The following HS6ST3 variants were observed in gnomAD, a reference collection of about 807,000 sequenced individuals.
HS6ST3 encodes the protein heparan-sulfate 6-O-sulfotransferase 3.
Under a neutral mutation model 36.7 loss-of-function variants are expected in HS6ST3, and 12 were observed. The observed-to-expected ratio is 0.33, with a 90% CI of 0.21 to 0.53. HS6ST3 has a LOEUF of 0.53. Among genes scored for constraint, HS6ST3 ranks in the 20% least tolerant of loss-of-function variants. The probability of loss-of-function intolerance (pLI) is 0.95; values close to 1 mark genes in which losing one functional copy is unlikely to be tolerated. For synonymous variants in HS6ST3, 240 were observed against 257.5 expected, an observed-to-expected ratio of 0.93 and a Z score of 0.65; for missense variants, 584 against 640.9, an observed-to-expected ratio of 0.91 and a Z score of 0.96.
intron 1 of HS6ST3, among the ~76,000 whole-genome samples, chr13:96,720,054 C>T (rs1268324189): frequency 6.6e-6 from 1 of 152,122 alleles, no homozygotes; most frequent in Non-Finnish European, 1.5e-5. Flanking sequence ...AGTTATGTCT[C>T]ATCTTTGTTT....
At chr13:96,778,425 C>T (rs1877445438) in intron 1 of HS6ST3, among the ~76,000 whole-genome samples, 1 of 152,072 alleles carries the variant, frequency 6.6e-6, no homozygotes, top group South Asian at 2.1e-4. Context: ...AATCTATCCA[C>T]CTGACAAAGG....
At chr13:96,119,487 G>C (rs1388748484) in intron 1 of HS6ST3, among the ~76,000 whole-genome samples, 1 of 152,044 alleles carries the variant, frequency 6.6e-6, no homozygotes, top group African/African-American at 2.4e-5. Context: ...TTAGAGTTCA[G>C]GATAGCAAAA....
At chr13:96,412,008 T>C (rs1394965863) in intron 1 of HS6ST3, among the ~76,000 whole-genome samples, 7 of 152,090 alleles carry the variant, frequency 4.6e-5, no homozygotes, top group African/African-American at 1.7e-4. Context: ...CTTTATTTTT[T>C]CTTTCCTTTT....
intron 1 of HS6ST3, among the ~76,000 whole-genome samples, chr13:96,666,719 T>A (rs540213800): frequency 2.2e-4 from 34 of 152,266 alleles, no homozygotes; most frequent in African/African-American, 7.9e-4. Context: ...ATTTCTAGAT[T>A]TTCTGTGTGA....
chr13:96,627,293 T>G (rs1268386638), intron 1 of HS6ST3, among the ~76,000 whole-genome samples: 2 of 152,030 alleles, frequency 1.3e-5, no homozygotes, highest in East Asian at 3.9e-4. Context: ...AACGATCAAG[T>G]TTTTCTCCTT....
chr13:96,712,014 G>A (rs542583340), intron 1 of HS6ST3, among the ~76,000 whole-genome samples: 1 of 152,166 alleles, frequency 6.6e-6, no homozygotes, highest in Non-Finnish European at 1.5e-5. Flanking sequence ...TGCCCCAGTG[G>A]AATATAAAAT....
At chr13:96,687,907 A>C (rs1015931928) in intron 1 of HS6ST3, among the ~76,000 whole-genome samples, 1 of 152,038 alleles carries the variant, frequency 6.6e-6, no homozygotes, top group Non-Finnish European at 1.5e-5. Context: ...AATCTTGATA[A>C]ATCTGTGAAT....
intron 1 of HS6ST3, among the ~76,000 whole-genome samples, chr13:96,478,420 T>A (rs7317645): frequency 6.6e-6 from 1 of 151,922 alleles, no homozygotes; most frequent in South Asian, 2.1e-4. Context: ...TAAAACTTAA[T>A]GTACATAGTG....
rs542942684 is a variant in HS6ST3 at position 96,145,956 on chromosome 13, A to G, written c.707+54387A>G. On this transcript the variant is annotated intron_variant, in intron 1 of 1. Transcript: ENST00000376705. The stretch of plus-strand genomic sequence containing the variant: ...TTTTGTCAGGTTTGTCAAAGATCAG[A>G]TAGTTGTAGATACGTGGCATTATTT... Among the ~76,000 whole-genome samples, 524 of 152,262 alleles carry G rather than the reference A, an allele frequency of 3.4e-3. 3 individuals carry two copies. Among genetic ancestry groups the G allele is most frequent in the African/African-American group, 0.012 (504 of 41,552 alleles).
At chr13:96,424,574 TG>T (rs1413585153) in intron 1 of HS6ST3, among the ~76,000 whole-genome samples, 1 of 152,172 alleles carries the variant, frequency 6.6e-6, no homozygotes, top group Non-Finnish European at 1.5e-5. Context: ...AAGTCCAAGA[TG>T]GAGGTGCTGA....
intron 1 of HS6ST3, among the ~76,000 whole-genome samples, chr13:96,332,849 A>T (rs2055079104): frequency 6.6e-6 from 1 of 152,226 alleles, no homozygotes; most frequent in Non-Finnish European, 1.5e-5. Context: ...ATATGTTGAA[A>T]GTTAATCACC....
intron 1 of HS6ST3, among the ~76,000 whole-genome samples, chr13:96,360,299 A>G (rs1230006378): frequency 2.1e-5 from 2 of 97,184 alleles, no homozygotes; most frequent in Admixed American, 1.9e-4. Context: ...TTGATGTTTT[A>G]TAGGAGCTAC....
At chr13:96,403,012 C>T (rs1462216508) in intron 1 of HS6ST3, among the ~76,000 whole-genome samples, 1 of 152,158 alleles carries the variant, frequency 6.6e-6, no homozygotes, top group East Asian at 1.9e-4. Flanking sequence ...TTTATATTCT[C>T]ACCAGTAATG....
intron 1 of HS6ST3, among the ~76,000 whole-genome samples, chr13:96,205,178 A>G (rs2139353713): frequency 6.6e-6 from 1 of 152,318 alleles, no homozygotes; most frequent in Middle Eastern, 3.4e-3. Flanking sequence ...ACAAACAACC[A>G]TCAGAGAATA....
intron 1 of HS6ST3, among the ~76,000 whole-genome samples, chr13:96,720,845 C>T (rs781532578): frequency 2.3e-4 from 35 of 152,106 alleles, no homozygotes; most frequent in Admixed American, 6.6e-4. Flanking sequence ...CTTAGGAAGT[C>T]GTGTTTTATG....
intron 1 of HS6ST3, among the ~76,000 whole-genome samples, chr13:96,139,999 A>G (rs1335102097): frequency 1.3e-5 from 2 of 152,192 alleles, no homozygotes; most frequent in East Asian, 3.8e-4. Flanking sequence ...GATGTGGGAC[A>G]ATTTGAAAAA....
intron 1 of HS6ST3, among the ~76,000 whole-genome samples, chr13:96,493,040 G>A (rs2055954560): frequency 1.3e-5 from 2 of 152,178 alleles, no homozygotes; most frequent in African/African-American, 4.8e-5. Context: ...TCAGAACCAC[G>A]CTTAGAAAAA....
At chr13:96,612,443 C>T (rs967510594) in intron 1 of HS6ST3, among the ~76,000 whole-genome samples, 7 of 152,086 alleles carry the variant, frequency 4.6e-5, no homozygotes, top group Non-Finnish European at 1.0e-4. Context: ...TCACTCATTT[C>T]CCAATTTCAT....
intron 1 of HS6ST3, among the ~76,000 whole-genome samples, chr13:96,702,282 C>A (rs912241806): frequency 6.6e-6 from 1 of 152,184 alleles, no homozygotes; most frequent in South Asian, 2.1e-4. Context: ...GTAAGACAAT[C>A]CAAAAGGAGT....
Sources: allele counts gnomAD v4.1 joint callset (sites outside exome capture counted in the v4.1 genomes callset), GRCh38; gene constraint gnomAD v4.1.1; transcripts MANE v1.5; gene names NCBI Gene and HGNC (gene_info 2026-07-23, HGNC 2026-07-21).